The following CNTN5 variants were observed in gnomAD, a reference collection of about 807,000 sequenced individuals.
CNTN5 encodes the protein contactin 5.
Under a neutral mutation model 129.1 loss-of-function variants are expected in CNTN5, and 77 were observed. The ratio of observed to expected loss-of-function variants is 0.60; its 90% confidence interval spans 0.50 to 0.72. The LOEUF (loss-of-function observed/expected upper bound fraction) is 0.72, where lower values mean the gene tolerates loss of function less well. CNTN5 is among the 30% of genes least tolerant of loss of function. The probability of loss-of-function intolerance (pLI) is 0.00; values close to 1 mark genes in which losing one functional copy is unlikely to be tolerated. For missense variants in CNTN5, 1,478 were observed against 1,328.8 expected (o/e 1.11, Z -1.75); for synonymous variants, 509 against 465.6 (o/e 1.09, Z -1.20).
intron 1 of CNTN5, among the ~76,000 whole-genome samples, chr11:99,318,669 C>T (rs542023577): frequency 1.3e-5 from 2 of 152,128 alleles, no homozygotes; most frequent in Admixed American, 1.3e-4. Context: ...CACCTGGCTC[C>T]TGCTCCCACT....
chr11:100,023,342 A>G (rs536672118), intron 9 of CNTN5, among the ~76,000 whole-genome samples: 2 of 152,250 alleles, frequency 1.3e-5, no homozygotes, highest in Middle Eastern at 3.4e-3. Flanking sequence ...ATTTTTTTAA[A>G]AAGAACTTTA....
chr11:100,066,757 G>A (rs545638208), intron 10 of CNTN5, among the ~76,000 whole-genome samples: 4 of 148,878 alleles, frequency 2.7e-5, no homozygotes, highest in South Asian at 4.2e-4. Context: ...TGCAGACCAC[G>A]TCTTGGCATC....
chr11:99,199,855 T>C (rs1859082232), intron 1 of CNTN5, among the ~76,000 whole-genome samples: 2 of 152,284 alleles, frequency 1.3e-5, no homozygotes, highest in South Asian at 4.2e-4. Context: ...AGAATTACAG[T>C]CTTCCACATT....
At chr11:99,990,176 G>A (rs1456650868) in intron 8 of CNTN5, among the ~76,000 whole-genome samples, 1 of 151,988 alleles carries the variant, frequency 6.6e-6, no homozygotes, top group Non-Finnish European at 1.5e-5. Flanking sequence ...TGATGCACAT[G>A]GAAGGAGCCC....
At chr11:99,053,611 G>T (rs1054483370) in intron 1 of CNTN5, among the ~76,000 whole-genome samples, 1 of 151,894 alleles carries the variant, frequency 6.6e-6, no homozygotes, top group African/African-American at 2.4e-5. Context: ...TTTGCCACAA[G>T]GATATTTCCC....
intron 1 of CNTN5, among the ~76,000 whole-genome samples, chr11:99,198,877 T>C (rs748698712): frequency 2.2e-4 from 33 of 152,170 alleles, no homozygotes; most frequent in Non-Finnish European, 4.6e-4. Context: ...AGTAATCTGA[T>C]TGTTACCTTG....
chr11:100,324,960 A>C (rs1224311802), intron 21 of CNTN5, among the ~76,000 whole-genome samples: 1 of 152,200 alleles, frequency 6.6e-6, no homozygotes, highest in African/African-American at 2.4e-5. Flanking sequence ...ATGCAATTTA[A>C]TAATACTGAC....
At chr11:100,061,989 T>C (rs1943502890) in intron 10 of CNTN5, among the ~76,000 whole-genome samples, 1 of 152,210 alleles carries the variant, frequency 6.6e-6, no homozygotes. Context: ...CCTGCAAGTG[T>C]TTATATTGTC....
intron 3 of CNTN5, among the ~76,000 whole-genome samples, chr11:99,783,833 G>T (rs1326320326): frequency 6.6e-6 from 1 of 151,634 alleles, no homozygotes; most frequent in Non-Finnish European, 1.5e-5. Context: ...GGTGGGTGGA[G>T]TGGGGAGGGA....
At chr11:100,279,579 A>C (rs1950587909) in intron 18 of CNTN5, among the ~76,000 whole-genome samples, 1 of 151,812 alleles carries the variant, frequency 6.6e-6, no homozygotes, top group Non-Finnish European at 1.5e-5. Context: ...TTTCTTCTAG[A>C]TATTCCAATT....
chr11:99,730,640 T>A (rs71474538), intron 3 of CNTN5, among the ~76,000 whole-genome samples: 10,232 of 152,238 alleles, frequency 0.067, 506 homozygotes, highest in South Asian at 0.24. Flanking sequence ...TTATAATCTG[T>A]TCTTCAATAA....
chr11:100,135,050 A>C (rs1946480858), intron 13 of CNTN5, among the ~76,000 whole-genome samples: 1 of 152,106 alleles, frequency 6.6e-6, no homozygotes, highest in African/African-American at 2.4e-5. Flanking sequence ...TTTATTATTA[A>C]AGTTAATTAT....
chr11:100,291,951 G>A (rs1224730693), intron 18 of CNTN5, among the ~76,000 whole-genome samples: 1 of 151,748 alleles, frequency 6.6e-6, no homozygotes, highest in African/African-American at 2.4e-5. Flanking sequence ...TGCTCAATGT[G>A]ATCCCAAACC....
chr11:99,824,059 C>T (rs1391053173), intron 4 of CNTN5, among the ~76,000 whole-genome samples: 4 of 151,988 alleles, frequency 2.6e-5, no homozygotes. Context: ...TTTCTTTATT[C>T]ATTCCCTTTT....
At chr11:100,173,277 C>T (rs558339995) in intron 13 of CNTN5, among the ~76,000 whole-genome samples, 4 of 152,188 alleles carry the variant, frequency 2.6e-5, no homozygotes, top group South Asian at 2.1e-4. Flanking sequence ...CACACTTTAG[C>T]GTAGTGGGGG....
chr11:99,959,646 G>A (rs1386315424), intron 8 of CNTN5, among the ~76,000 whole-genome samples: 1 of 152,148 alleles, frequency 6.6e-6, no homozygotes, highest in Admixed American at 6.6e-5. Flanking sequence ...TGACGTTGTT[G>A]ACACTTTTTT....
At chr11:99,251,599 G>A (rs567169693) in intron 1 of CNTN5, among the ~76,000 whole-genome samples, 9 of 151,914 alleles carry the variant, frequency 5.9e-5, no homozygotes, top group South Asian at 2.1e-4. Flanking sequence ...TCTCACCTAC[G>A]TAAGTATCTC....
chr11:99,190,047 T>C (rs536443903), intron 1 of CNTN5, among the ~76,000 whole-genome samples: 64 of 151,810 alleles, frequency 4.2e-4, no homozygotes, highest in African/African-American at 1.5e-3. Flanking sequence ...GTCTTACATT[T>C]GAATTTTAAC....
intron 9 of CNTN5, among the ~76,000 whole-genome samples, chr11:100,020,466 T>A (rs1160645362): frequency 1.3e-5 from 2 of 152,110 alleles, no homozygotes; most frequent in Non-Finnish European, 2.9e-5. Context: ...TTTTTGATTC[T>A]CAATTCTCTT....
Sources: gnomAD v4.1 joint callset for allele counts (sites outside exome capture counted in the v4.1 genomes callset) on GRCh38, gnomAD v4.1.1 for gene constraint, MANE v1.5 for transcripts, NCBI Gene and HGNC (gene_info 2026-07-23, HGNC 2026-07-21) for gene names.